Variants in RBFOX3 observed in about 807,000 individuals in gnomAD.
The protein encoded by RBFOX3 is RNA binding fox-1 homolog 3.
RBFOX3 carries 17 observed loss-of-function variants against 48.7 expected under a neutral mutation model. The observed-to-expected ratio is 0.35, with a 90% CI of 0.24 to 0.52. The LOEUF (loss-of-function observed/expected upper bound fraction) is 0.52. Ranked by LOEUF, RBFOX3 falls within the 20% of genes least tolerant of loss-of-function variation. The pLI is 0.94. For missense variants in RBFOX3, 382 were observed against 497.5 expected (o/e 0.77, Z 2.21); for synonymous variants, 212 against 209.5 (o/e 1.01, Z -0.10).
chr17:79,393,250 C>T (rs1375979425), intron 2 of RBFOX3, among the ~76,000 whole-genome samples: 1 of 152,236 alleles, frequency 6.6e-6, no homozygotes, highest in Non-Finnish European at 1.5e-5. Flanking sequence ...CCTGCTGCAG[C>T]ACAGGGGGAA....
At chr17:79,458,986 C>T (rs997730933) in intron 2 of RBFOX3, among the ~76,000 whole-genome samples, 1 of 152,176 alleles carries the variant, frequency 6.6e-6, no homozygotes. Flanking sequence ...GAAGCGCGGC[C>T]GTGGGCTACC....
chr17:79,447,479 C>A (rs1260835670), intron 2 of RBFOX3, among the ~76,000 whole-genome samples: 3 of 152,184 alleles, frequency 2.0e-5, no homozygotes, highest in Non-Finnish European at 4.4e-5. Flanking sequence ...TAGCCTGTGA[C>A]CCGTCTGTCT....
chr17:79,430,975 C>T (rs1387138623), intron 2 of RBFOX3, among the ~76,000 whole-genome samples: 1 of 151,690 alleles, frequency 6.6e-6, no homozygotes, highest in Non-Finnish European at 1.5e-5. Flanking sequence ...CACCAGAAAG[C>T]ATGTCTGATA....
chr17:79,578,287 C>T (rs1333359018), intron 1 of RBFOX3, among the ~76,000 whole-genome samples: 3 of 152,266 alleles, frequency 2.0e-5, no homozygotes, highest in Non-Finnish European at 2.9e-5. Flanking sequence ...TCAAGCCCTC[C>T]AATACCTTTC....
intron 1 of RBFOX3, among the ~76,000 whole-genome samples, chr17:79,568,709 T>C (rs1462475753): frequency 5.9e-5 from 9 of 152,132 alleles, no homozygotes; most frequent in Non-Finnish European, 1.0e-4. Flanking sequence ...CCCCATGCCC[T>C]GTATGGTGAA....
At chr17:79,265,651 A>G (rs2066565305) in intron 3 of RBFOX3, among the ~76,000 whole-genome samples, 1 of 152,152 alleles carries the variant, frequency 6.6e-6, no homozygotes, top group Admixed American at 6.5e-5. Context: ...CGACTTTCCA[A>G]TTTCCAGAAA....
intron 1 of RBFOX3, chr17:79,600,256 A>C (rs1003926919): frequency 3.2e-4 from 49 of 152,444 alleles, no homozygotes; most frequent in Admixed American, 5.2e-4. Flanking sequence ...GTGGGTACAC[A>C]AATGCAGAAA....
chr17:79,601,105 G>A lies in RBFOX3; in HGVS notation c.-320+9721C>T, dbSNP rs977042244. ...AATGCCTCAGCCCGACTGCAGCCTC[G>A]AGGGGCCCCGGCTGGGGCGTCTACA... On this transcript the variant is annotated intron_variant, in intron 1 of 14. Coordinates refer to ENST00000693108, the MANE Select transcript of RBFOX3 (RefSeq NM_001350451.2). The A allele has an allele frequency of 5.9e-5, 9 of 152,338 alleles. 1 individual carries two copies. In the East Asian group the frequency reaches 1.5e-3, roughly 26 times the overall value. 9.4% of individuals were successfully genotyped at this position (152,338 alleles called of 1,614,324 possible).
chr17:79,652,423 G>A, the RBFOX3 span, among the ~76,000 whole-genome samples: 1 of 151,166 alleles, frequency 6.6e-6, no homozygotes, highest in East Asian at 1.9e-4. Context: ...TCCAGCTGGG[G>A]TGACAAAGCA....
intron 4 of RBFOX3, among the ~76,000 whole-genome samples, chr17:79,188,502 G>A (rs1350793736): frequency 6.6e-6 from 1 of 152,202 alleles, no homozygotes; most frequent in Non-Finnish European, 1.5e-5. Context: ...AATAAATACA[G>A]GGAGACTGAA....
chr17:79,168,527 C>A (rs1278531211), intron 4 of RBFOX3, among the ~76,000 whole-genome samples: 3 of 152,250 alleles, frequency 2.0e-5, no homozygotes, highest in African/African-American at 7.2e-5. Context: ...TCCTGTGGCC[C>A]CCTGACCCTG....
At chr17:79,606,915 G>A (rs1210316660) in intron 1 of RBFOX3, among the ~76,000 whole-genome samples, 21 of 152,308 alleles carry the variant, frequency 1.4e-4, no homozygotes, top group Middle Eastern at 3.4e-3. Flanking sequence ...AGAGATAGAC[G>A]GACAGGGAGA....
chr17:79,150,037 GGGGTGGGGGATGGGGATGGGGGTTGA>G (rs770739677), intron 4 of RBFOX3, among the ~76,000 whole-genome samples: 2,650 of 51,052 alleles, frequency 0.052, 277 homozygotes, highest in Middle Eastern at 0.089. Context: ...GTGGGGGGTG[GGGGTGGGGGATGGGGATGGGGGTTGA>G]GGGTGGGGGT....
At chr17:79,272,565 C>T (rs574236639) in intron 3 of RBFOX3, among the ~76,000 whole-genome samples, 31 of 152,302 alleles carry the variant, frequency 2.0e-4, no homozygotes, top group African/African-American at 7.5e-4. Context: ...CTGGCTGCCT[C>T]CCCAGGTGGC....
intron 1 of RBFOX3, among the ~76,000 whole-genome samples, chr17:79,544,364 G>T (rs1237328042): frequency 6.6e-6 from 1 of 152,186 alleles, no homozygotes; most frequent in Non-Finnish European, 1.5e-5. Context: ...ATTCAACACG[G>T]TGATTGCTGG....
At chr17:79,463,628 G>A (rs1416810063) in intron 2 of RBFOX3, among the ~76,000 whole-genome samples, 60 of 134,166 alleles carry the variant, frequency 4.5e-4, no homozygotes, top group African/African-American at 1.6e-3. Context: ...CATCGCCACC[G>A]CCACTGCCAC....
chr17:79,467,138 T>C (rs939483574), intron 2 of RBFOX3, among the ~76,000 whole-genome samples: 5 of 151,776 alleles, frequency 3.3e-5, no homozygotes, highest in African/African-American at 1.2e-4. Context: ...ACCTGCCAGG[T>C]CTGGGTCCGG....
intron 2 of RBFOX3, among the ~76,000 whole-genome samples, chr17:79,323,443 G>A (rs1056750340): frequency 1.3e-5 from 2 of 152,186 alleles, no homozygotes; most frequent in African/African-American, 2.4e-5. Context: ...AGAGATGGTT[G>A]CGAGAGGTCC....
At chr17:79,227,878 C>T (rs576377883) in intron 4 of RBFOX3, among the ~76,000 whole-genome samples, 1 of 152,228 alleles carries the variant, frequency 6.6e-6, no homozygotes, top group Non-Finnish European at 1.5e-5. Flanking sequence ...TGGACCTCCA[C>T]TTTGCTTAGT....
Sources: gnomAD v4.1 joint callset for allele counts (sites outside exome capture counted in the v4.1 genomes callset) on GRCh38, gnomAD v4.1.1 for gene constraint, MANE v1.5 for transcripts, NCBI Gene and HGNC (gene_info 2026-07-23, HGNC 2026-07-21) for gene names.